The following INPP5J variants were observed in gnomAD, a reference collection of about 807,000 sequenced individuals.
INPP5J encodes phosphatidylinositol 4,5-bisphosphate 5-phosphatase A.
INPP5J carries 75 observed loss-of-function variants against 86.6 expected under a neutral mutation model. That is an observed-to-expected ratio of 0.87 (90% CI 0.72 to 1.05). The LOEUF is 1.05. Among genes scored for constraint, INPP5J ranks in the 50% least tolerant of loss-of-function variants. The probability of loss-of-function intolerance (pLI) is 0.00; values close to 1 mark genes in which losing one functional copy is unlikely to be tolerated. For synonymous variants in INPP5J, 540 were observed against 550.0 expected (o/e 0.98, Z 0.25); for missense variants, 1,229 against 1,341.2 (o/e 0.92, Z 1.31).
Position 31,125,220 on chromosome 22 carries a change from C to A in INPP5J, c.481C>A (p.Pro161Thr), listed in dbSNP as rs1295152999. Residue 161 changes from proline to threonine, a missense_variant, in exon 2 of 13, where the codon CCA becomes ACA. By Grantham distance (38) the Pro-to-Thr change is conservative (BLOSUM62 -1). Coordinates refer to ENST00000331075, the MANE Select transcript of INPP5J (RefSeq NM_001284285.2). ...PPVTLGPNLA[P>T]TSRDQKQEPP... ...AGTCACCCTGGGGCCCAATCTGGCC[C>A]CAACCTCCAGAGACCAGAAGCAGGA... 1.3e-6 allele frequency: 2 copies of A among 1,550,298 alleles called. No homozygotes were observed. Among genetic ancestry groups the A allele is most frequent in the African/African-American group, 1.4e-5 (1 of 72,990 alleles).
At chr22:31,131,901 G>A (rs1373839567) in intron 9 of INPP5J, among the ~76,000 whole-genome samples, 1 of 152,196 alleles carries the variant, frequency 6.6e-6, no homozygotes, top group Non-Finnish European at 1.5e-5. Flanking sequence ...CTGAGGGAGG[G>A]AAACCTGAAA....
Position 31,125,905 on chromosome 22 carries a change from A to C in INPP5J, c.1166A>C (p.Gln389Pro). 6.2e-7 allele frequency: 1 copy of C among 1,613,112 alleles called. No individual in the cohort carries two copies. The highest frequency in any genetic ancestry group is 1.3e-5 in the African/African-American group (1 of 74,904). ...GGCAGGTGCCTGAGCCCCAACCTTC[A>C]GGCCCAAGAAGCCCCAGCCCCAGTC... ...GPGRCLSPNLQAQEAPAPVTT... is the reference protein window; with the variant it reads ...GPGRCLSPNLPAQEAPAPVTT... Residue 389 changes from glutamine (Q) to proline (P), a missense_variant, in exon 2 of 13, where the codon CAG becomes CCG. Physicochemically the swap from Gln to Pro is moderately conservative, Grantham distance 76. Transcript: ENST00000331075.
rs1159081387 is a variant in INPP5J, at chr22:31,134,171, C to G, written c.2773C>G (p.Pro925Ala). 6.5e-7 allele frequency: 1 copy of G among 1,549,638 alleles called. No individual in the cohort carries two copies. Among genetic ancestry groups the G allele is most frequent in the Admixed American group, 2.0e-5 (1 of 50,982 alleles). ...PQSRRLSRVA[P>A]DRSSNGSSRG... is the part of the protein sequence containing the mutation. ...GAGCCGCCGCCTGTCCCGAGTGGCT[C>G]CTGACAGGAGCAGTAATGGCAGCAG... The change falls in exon 13 of 13, where the codon CCT (proline) becomes GCT (alanine). Residue 925 changes from proline to alanine, a missense_variant. Coordinates refer to ENST00000331075, the MANE Select transcript of INPP5J (RefSeq NM_001284285.2).
intron 1 of INPP5J, chr22:31,124,400 GA>G: frequency 1.3e-6 from 1 of 796,116 alleles, no homozygotes; most frequent in Non-Finnish European, 1.5e-6. Flanking sequence ...CTTGACAATA[GA>G]AAAAGAAAAG....
intron 1 of INPP5J, chr22:31,124,165 A>C: frequency 1.6e-6 from 1 of 623,480 alleles, no homozygotes; most frequent in Non-Finnish European, 2.0e-6. Context: ...GGCGCTGGGC[A>C]GAGAGGTACT....
chr22:31,127,701 G>T, intron 6 of INPP5J, 169 bp downstream of exon 6: 1 of 773,454 alleles, frequency 1.3e-6, no homozygotes, highest in South Asian at 1.9e-5. Flanking sequence ...GGGAGGGGCG[G>T]AGCTTGTAGG....
chr22:31,123,213 C>G, intron 1 of INPP5J, 94 bp downstream of exon 1: 1 of 758,978 alleles, frequency 1.3e-6, no homozygotes, highest in Non-Finnish European at 2.0e-6. Flanking sequence ...GTGCTCCTGA[C>G]TGAGGGGCTG....
chr22:31,131,789 G>C (rs1394994116), intron 9 of INPP5J, among the ~76,000 whole-genome samples: 8 of 152,182 alleles, frequency 5.3e-5, no homozygotes. Context: ...CAAGGCCTTG[G>C]AGGGCATTTT....
intron 4 of INPP5J, 80 bp from the exon 5 acceptor site, chr22:31,126,841 G>A: frequency 1.4e-6 from 2 of 1,414,360 alleles, no homozygotes; most frequent in South Asian, 1.2e-5. Flanking sequence ...ACATGGGTGG[G>A]TGGAGGAGCA....
intron 9 of INPP5J, among the ~76,000 whole-genome samples, chr22:31,132,601 G>A (rs150412405): frequency 0.02 from 3,053 of 152,198 alleles, 41 homozygotes; most frequent in Non-Finnish European, 0.026. Flanking sequence ...TTAGCCAGGC[G>A]TGATGGCGGT....
At chr22:31,126,190 C>T (rs892366089) in intron 2 of INPP5J, 180 bp downstream of exon 2, 7 of 796,878 alleles carry the variant, frequency 8.8e-6, no homozygotes, top group Admixed American at 5.8e-5. Flanking sequence ...AGGAACTTGC[C>T]GCCTCTCAGT....
rs1424871448 is a variant in INPP5J, at chr22:31,125,180, G to T, written c.441G>T (p.Gly147=). Reference sequence around the variant, plus strand: ...GGCTGGTGATGCCTGCCTCAGCAGGGCCAAGATCTCCCCCAGTCACCCTGG... The same window carrying T: ...GGCTGGTGATGCCTGCCTCAGCAGGTCCAAGATCTCCCCCAGTCACCCTGG... ...SLGLVMPASA[G]PRSPPVTLGP... The change falls in exon 2 of 13, where the codon GGG becomes GGT. Residue 147 remains glycine, a synonymous_variant. Transcript: ENST00000331075. The T allele has an allele frequency of 1.3e-6, 2 of 1,550,320 alleles. No homozygotes were observed. The highest frequency in any genetic ancestry group is 1.7e-6 in the Non-Finnish European group (2 of 1,146,978).
intron 8 of INPP5J, 63 bp downstream of exon 8, chr22:31,128,386 T>C: frequency 1.9e-6 from 3 of 1,572,746 alleles, no homozygotes; most frequent in Non-Finnish European, 1.7e-6. Flanking sequence ...ACAGGGAGAC[T>C]TTGGGAAGAG....
intron 7 of INPP5J, 57 bp downstream of exon 7, chr22:31,128,119 T>TA (rs1199819950): frequency 6.8e-7 from 1 of 1,468,598 alleles, no homozygotes; most frequent in Non-Finnish European, 9.5e-7. Context: ...GCCTGTACCT[T>TA]AGACTATGGT....
At position 31,127,342 on chromosome 22, in the gene INPP5J, A is replaced by G. The variant is rs188713493; in HGVS notation, c.1612-15A>G. The G allele has an allele frequency of 5.5e-5, 88 of 1,596,822 alleles. 1 individual carries two copies. In the Admixed American group the frequency reaches 1.4e-3, roughly 26 times the overall value. On this transcript the variant is annotated splice_polypyrimidine_tract_variant and intron_variant, in intron 5 of 12. Coordinates refer to ENST00000331075, the MANE Select transcript of INPP5J (RefSeq NM_001284285.2). Reference sequence around the variant, plus strand: ...CTAAGCCCCGCCCATGAGCCATCCGACCCTGCCTCCCTAGGGTAACAAGGG... The same window carrying G: ...CTAAGCCCCGCCCATGAGCCATCCGGCCCTGCCTCCCTAGGGTAACAAGGG...
Position 31,128,645 on chromosome 22 carries a change from C to T in INPP5J, c.2184C>T (p.Phe728=). The T allele has an allele frequency of 1.9e-6, 3 of 1,583,872 alleles. No individual in the cohort carries two copies. The highest frequency in any genetic ancestry group is 1.7e-6 in the Non-Finnish European group (2 of 1,165,072). Residue 728 remains phenylalanine, a synonymous_variant, in exon 9 of 13, where the codon TTC becomes TTT. Transcript: ENST00000331075. ...ACCACAAGCCTGTGGCTGCCCAGTTCCTCCTGCAGGTGAGTTCTGGCCTCA... is the reference window on the plus strand; with the variant it reads ...ACCACAAGCCTGTGGCTGCCCAGTTTCTCCTGCAGGTGAGTTCTGGCCTCA... ...VSDHKPVAAQ[F]LLQFAFRDDM...
rs1921279432 is a variant in INPP5J at position 31,125,416 on chromosome 22, G to T, written c.677G>T (p.Gly226Val). The T allele has an allele frequency of 6.4e-7, 1 of 1,550,648 alleles. No homozygotes were observed. Among genetic ancestry groups the T allele is most frequent in the Non-Finnish European group, 8.7e-7 (1 of 1,146,978 alleles). Residue 226 changes from glycine to valine, a missense_variant, in exon 2 of 13, where the codon GGC (glycine) becomes GTC (valine). Transcript: ENST00000331075. ...QALAPASTASGAASVGQTSAR... is the reference protein window; with the variant it reads ...QALAPASTASVAASVGQTSAR... ...CTGGCTCCAGCATCCACGGCATCAG[G>T]CGCAGCCTCTGTGGGACAGACATCA...
rs551093566 is a variant in INPP5J, at chr22:31,126,002, C to G, written c.1263C>G (p.Pro421=). Reference sequence around the variant, plus strand: ...CTCAGCCTACCTGGAAGAGCGACCCCGGCTTCCGGTGAGGGGGCCCTCTCC... The same window carrying G: ...CTCAGCCTACCTGGAAGAGCGACCCGGGCTTCCGGTGAGGGGGCCCTCTCC... ...WSAQPTWKSD[P]GFRITVVTWN... is the part of the protein sequence containing the mutation. The change falls in exon 2 of 13, where the codon CCC becomes CCG. Residue 421 remains proline, a synonymous_variant. Coordinates refer to ENST00000331075, the MANE Select transcript of INPP5J (RefSeq NM_001284285.2). 3.8e-6 allele frequency: 6 copies of G among 1,567,006 alleles called. No individual in the cohort carries two copies. The highest frequency in any genetic ancestry group is 1.4e-5 in the African/African-American group (1 of 73,966).
At position 31,134,353 on chromosome 22, in the gene INPP5J, G is replaced by A. The variant is rs564873584; in HGVS notation, c.2955G>A (p.Ala985=). Residue 985 remains alanine (A), a synonymous_variant, in exon 13 of 13, where the codon GCG becomes GCA. Coordinates refer to ENST00000331075, the MANE Select transcript of INPP5J (RefSeq NM_001284285.2). ...GGGGACCTGATCGGGAGGCCCTGGC[G>A]CCCAACAGCCTGTCTCCTAGTCCCC... ...GSWGPDREAL[A]PNSLSPSPQG... is the part of the protein sequence containing the mutation. 1.3e-4 allele frequency: 202 copies of A among 1,532,248 alleles called. No individual in the cohort carries two copies. The East Asian group carries it at 2.6e-3, about 20-fold the overall frequency. 94.9% of individuals were successfully genotyped at this position (1,532,248 alleles called of 1,614,324 possible). A position where few individuals can be genotyped will look rare whatever the true frequency, so the allele number is the denominator to read the frequency against.
Sources: gnomAD v4.1 joint callset for allele counts (sites outside exome capture counted in the v4.1 genomes callset) on GRCh38, gnomAD v4.1.1 for gene constraint, MANE v1.5 for transcripts, NCBI Gene and HGNC (gene_info 2026-07-23, HGNC 2026-07-21) for gene names.